The following ZSCAN31 variants were observed in gnomAD, a reference collection of about 807,000 sequenced individuals.
The protein encoded by ZSCAN31 is zinc finger and SCAN domain containing 31.
ZSCAN31 carries 14 observed loss-of-function variants against 22.5 expected under a neutral mutation model. That is an observed-to-expected ratio of 0.62 (90% CI 0.41 to 0.97). ZSCAN31 has a LOEUF of 0.97. ZSCAN31 is among the 50% of genes least tolerant of loss of function. The pLI is 0.00. For synonymous variants in ZSCAN31, 168 were observed against 169.8 expected (o/e 0.99, Z 0.08); for missense variants, 424 against 483.4 (o/e 0.88, Z 1.15).
chr6:28,344,059 G>A (rs1203294352), intron 2 of ZSCAN31, among the ~76,000 whole-genome samples: 1 of 152,098 alleles, frequency 6.6e-6, no homozygotes, highest in Non-Finnish European at 1.5e-5. Flanking sequence ...AATTCTAAGG[G>A]TGTTATATTG....
Position 28,326,137 on chromosome 6 carries a change from G to T in ZSCAN31, c.*29C>A. On this transcript the variant is annotated 3_prime_UTR_variant, in exon 4 of 4. Transcript: ENST00000344279. ...AAATGCCTAATAAGGTTGCAATGAT[G>T]ACTGAAGGCTTTCCCAAACTCATCA... The T allele has an allele frequency of 1.9e-6, 3 of 1,562,766 alleles. No homozygotes were observed. In the South Asian group the frequency reaches 3.5e-5, roughly 18 times the overall value.
At chr6:28,355,744 A>G (rs1033172086), upstream of ZSCAN31, 1 of 152,252 alleles carries the variant, frequency 6.6e-6, no homozygotes, top group Admixed American at 6.5e-5. Flanking sequence ...CTATGCATAT[A>G]TCCCTGCAGC....
intron 2 of ZSCAN31, chr6:28,353,555 GA>G (rs1319248448): frequency 1.3e-5 from 3 of 226,196 alleles, no homozygotes; most frequent in African/African-American, 6.8e-5. Flanking sequence ...GTTGTTTCTA[GA>G]TAATACCATA....
rs1433125032 is a variant in ZSCAN31 at position 28,347,323 on chromosome 6, C to T, written c.-370-5531G>A. Among the ~76,000 whole-genome samples, 3 of 152,174 alleles carry T rather than the reference C, an allele frequency of 2.0e-5. No individual in the cohort carries two copies. The highest frequency in any genetic ancestry group is 4.8e-5 in the African/African-American group (2 of 41,432). On this transcript the variant is annotated intron_variant, in intron 2 of 7. Transcript: ENST00000396838. This position sits in a 1 kb window ranked among gnomAD's most constrained non-coding sequence, Gnocchi z 5.2. Reference sequence around the variant, plus strand: ...CTGGCTCCCTTGCTGTTTCCTCTACCGGGAACACTTCCTTAGATATGCACA... The same window carrying T: ...CTGGCTCCCTTGCTGTTTCCTCTACTGGGAACACTTCCTTAGATATGCACA...
chr6:28,352,900 G>A (rs56131013), intron 2 of ZSCAN31, among the ~76,000 whole-genome samples: 39,366 of 151,698 alleles, frequency 0.26, 5,822 homozygotes, highest in African/African-American at 0.4. Context: ...AGGAAGACAC[G>A]GACTTGGAAT....
upstream of ZSCAN31, among the ~76,000 whole-genome samples, chr6:28,336,624 C>T (rs1314002176): frequency 6.6e-6 from 1 of 152,088 alleles, no homozygotes; most frequent in Non-Finnish European, 1.5e-5. Context: ...TGGTTAGGGC[C>T]GTTAGGCTCT....
In ZSCAN31 at chr6:28,351,867, C is replaced by G. The variant is rs1417472984; in HGVS notation, c.-371+1995G>C. 6.6e-6 allele frequency among the ~76,000 whole-genome samples: 1 copy of G among 152,114 alleles called. No homozygotes were observed. Among genetic ancestry groups the G allele is most frequent in the Non-Finnish European group, 1.5e-5 (1 of 68,040 alleles). On this transcript the variant is annotated intron_variant, in intron 2 of 7. Coordinates refer to the ZSCAN31 transcript ENST00000396838. This position sits in a 1 kb window ranked among gnomAD's most constrained non-coding sequence, Gnocchi z 4.6. ...TACTTCAGTGTCAATTTCTTATATA[C>G]AGGGACTTTTATCTTAATATAATCA...
intron 2 of ZSCAN31, among the ~76,000 whole-genome samples, chr6:28,327,888 T>C (rs186142731): frequency 1.2e-4 from 19 of 152,168 alleles, no homozygotes; most frequent in Admixed American, 1.1e-3. Context: ...TCATGTAGGT[T>C]CTTTTCTATT....
At chr6:28,334,517 T>C (rs1187836620) in intron 1 of ZSCAN31, among the ~76,000 whole-genome samples, 1 of 152,204 alleles carries the variant, frequency 6.6e-6, no homozygotes, top group African/African-American at 2.4e-5. Context: ...TCACAAATCA[T>C]GTGTGTTGTA....
At chr6:28,327,621 T>C in intron 2 of ZSCAN31, 88 bp from the exon 3 acceptor site, 1 of 1,411,334 alleles carries the variant, frequency 7.1e-7, no homozygotes, top group Non-Finnish European at 9.6e-7. Flanking sequence ...TGGAACTATA[T>C]GAAACATTTT....
rs993999084 is a variant in ZSCAN31 at position 28,351,394 on chromosome 6, T to C, written c.-371+2468A>G. Among the ~76,000 whole-genome samples the C allele has an allele frequency of 6.6e-6, 1 of 152,228 alleles. No homozygotes were observed. Among genetic ancestry groups the C allele is most frequent in the African/African-American group, 2.4e-5 (1 of 41,472 alleles). ...CACTCTGGGTTGGGCTGTGGCTCTC[T>C]CTCGCCTTCCTTGACCCTACCTTAA... On this transcript the variant is annotated intron_variant, in intron 2 of 7. Transcript: ENST00000396838. This position sits in a 1 kb window ranked among gnomAD's most constrained non-coding sequence, Gnocchi z 4.6.
At chr6:28,342,644 G>T (rs552374743) in intron 2 of ZSCAN31, among the ~76,000 whole-genome samples, 3 of 152,098 alleles carry the variant, frequency 2.0e-5, no homozygotes, top group Non-Finnish European at 2.9e-5. Context: ...CAAGATAGAG[G>T]CACTCTACTA....
At chr6:28,336,975 G>A (rs1290279527), upstream of ZSCAN31, 1 of 152,190 alleles carries the variant, frequency 6.6e-6, no homozygotes, top group Non-Finnish European at 1.5e-5. Context: ...AAGTAACTGC[G>A]TAAAACAGAC....
chr6:28,342,395 A>G (rs191479792), intron 2 of ZSCAN31, among the ~76,000 whole-genome samples: 29 of 152,306 alleles, frequency 1.9e-4, no homozygotes, highest in Admixed American at 1.9e-3. Flanking sequence ...GTGCCTGCTC[A>G]GGACACACCC....
upstream of ZSCAN31, chr6:28,354,209 T>G (rs780573501): frequency 4.2e-4 from 140 of 332,816 alleles, no homozygotes; most frequent in Non-Finnish European, 7.3e-4. Context: ...ACAAGTCCTA[T>G]GTACAGTGTC....
chr6:28,328,132 T>C (rs541978739), intron 2 of ZSCAN31, among the ~76,000 whole-genome samples: 1 of 152,280 alleles, frequency 6.6e-6, no homozygotes, highest in African/African-American at 2.4e-5. Context: ...ACAAGGCAAG[T>C]GGAGGCAGGG....
upstream of ZSCAN31, among the ~76,000 whole-genome samples, chr6:28,338,775 T>A (rs1321901158): frequency 1.3e-5 from 2 of 152,242 alleles, no homozygotes; most frequent in Non-Finnish European, 2.9e-5. Context: ...TCTTTGTATG[T>A]TAATTTCATA....
At position 28,329,367 on chromosome 6, in the gene ZSCAN31, C is replaced by G. The variant is rs1409908739; in HGVS notation, c.317G>C (p.Ser106Thr). The change falls in exon 2 of 4, where the codon AGT (serine) becomes ACT (threonine). Residue 106 changes from serine to threonine, a missense_variant. Transcript: ENST00000344279. The stretch of plus-strand genomic sequence containing the variant: ...AACTACAGCCACAGCCTCCTCCCCA[C>G]TCTCCGGATGGTGCTCCCGCACCCA... ...QAWVREHHPE[S>T]GEEAVAVVED... 2 of 1,613,544 alleles carry G rather than the reference C, an allele frequency of 1.2e-6. No homozygotes were observed. The highest frequency in any genetic ancestry group is 1.7e-6 in the Non-Finnish European group (2 of 1,179,720).
At chr6:28,348,937 T>TTTC (rs1451277889) in intron 2 of ZSCAN31, among the ~76,000 whole-genome samples, 1 of 151,328 alleles carries the variant, frequency 6.6e-6, no homozygotes, top group Non-Finnish European at 1.5e-5. Context: ...TACATAGGTG[T>TTTC]ATATACATGT....
Sources: gnomAD v4.1 joint callset for allele counts (sites outside exome capture counted in the v4.1 genomes callset) on GRCh38, gnomAD v4.1.1 for gene constraint, Gnocchi (gnomAD v3.1) non-coding constraint, MANE v1.5 for transcripts, NCBI Gene and HGNC (gene_info 2026-07-23, HGNC 2026-07-21) for gene names.